Variants in CHD1L observed in about 807,000 individuals in gnomAD.
The protein encoded by CHD1L is chromodomain helicase DNA binding protein 1 like.
Under a neutral mutation model 115.9 loss-of-function variants are expected in CHD1L, and 118 were observed. The ratio of observed to expected loss-of-function variants is 1.02; its 90% CI spans 0.88 to 1.19. The LOEUF (loss-of-function observed/expected upper bound fraction) is 1.19, where lower values mean the gene tolerates loss of function less well. CHD1L is among the 50% of genes most tolerant of loss of function. CHD1L has a pLI of 0.00. For synonymous variants in CHD1L, 411 were observed against 387.1 expected (o/e 1.06, Z -0.72); for missense variants, 1,179 against 1,065.3 (o/e 1.11, Z -1.49).
At chr1:147,184,082 T>G in the CHD1L span, among the ~76,000 whole-genome samples, 2 of 152,176 alleles carry the variant, frequency 1.3e-5, no homozygotes, top group Non-Finnish European at 2.9e-5. This position sits in a 1 kb window ranked among gnomAD's most constrained non-coding sequence, Gnocchi z 4.4. Flanking sequence ...TTATGCATTA[T>G]TAAAGCAACT....
intron 6 of CHD1L, among the ~76,000 whole-genome samples, chr1:147,263,955 A>G (rs1255545777): frequency 6.6e-6 from 1 of 152,206 alleles, no homozygotes; most frequent in Non-Finnish European, 1.5e-5. Flanking sequence ...TTATAAAAGG[A>G]AAGTCTCCTA....
chr1:147,179,183 T>C, the CHD1L span: 11 of 1,614,138 alleles, frequency 6.8e-6, no homozygotes, highest in South Asian at 2.2e-5. Context: ...CAGGATTACT[T>C]TGATGGCAAT....
At chr1:147,220,148 T>C in the CHD1L span, among the ~76,000 whole-genome samples, 1 of 152,176 alleles carries the variant, frequency 6.6e-6, no homozygotes. Context: ...ATTTGCTTTT[T>C]TATATACTAG....
chr1:147,215,872 C>A, the CHD1L span: 4 of 1,613,374 alleles, frequency 2.5e-6, no homozygotes, highest in Non-Finnish European at 3.4e-6. Flanking sequence ...GTCACTGAAG[C>A]ACATCATCTC....
chr1:147,240,437 G>T (rs1454023950), upstream of CHD1L, among the ~76,000 whole-genome samples: 4 of 152,340 alleles, frequency 2.6e-5, no homozygotes, highest in African/African-American at 9.6e-5. Context: ...ATTGTCCAAG[G>T]TTTCTCCCCA....
the CHD1L span, among the ~76,000 whole-genome samples, chr1:147,206,092 A>T: frequency 6.6e-6 from 1 of 150,872 alleles, no homozygotes; most frequent in African/African-American, 2.5e-5. Context: ...CAACCCCATC[A>T]AAAAGTGGGT....
chr1:147,192,982 T>C, the CHD1L span, among the ~76,000 whole-genome samples: 1 of 152,132 alleles, frequency 6.6e-6, no homozygotes, highest in African/African-American at 2.4e-5. Context: ...TTTTTTGTTG[T>C]GTCTCTGCCA....
At chr1:147,272,401 T>A in intron 12 of CHD1L, 120 bp downstream of exon 12, 1 of 695,600 alleles carries the variant, frequency 1.4e-6, no homozygotes, top group African/African-American at 1.8e-5. Flanking sequence ...CTATTGAATG[T>A]AAAACAAGGT....
chr1:147,295,475 C>G lies in CHD1L; in HGVS notation c.2660C>G (p.Ser887Cys). The G allele has an allele frequency of 6.2e-7, 1 of 1,611,334 alleles. No individual in the cohort carries two copies. Among genetic ancestry groups the G allele is most frequent in the Non-Finnish European group, 8.5e-7 (1 of 1,178,496 alleles). Residue 887 changes from serine (S) to cysteine (C), a missense_variant, in exon 23 of 23, where the codon TCT becomes TGT. Physicochemically the swap from Ser to Cys is moderately radical, Grantham distance 112. Transcript: ENST00000369258. ...AAGTCTGCTGTCCTTCATTCACAGT[C>G]TTCATCTTCCTCCTCAAGACAGCTG... Reference protein sequence around the residue: ...RSKSAVLHSQSSSSSSRQLVP With the variant: ...RSKSAVLHSQCSSSSSRQLVP
At chr1:147,197,754 C>A in the CHD1L span, among the ~76,000 whole-genome samples, 1 of 152,140 alleles carries the variant, frequency 6.6e-6, no homozygotes, top group Non-Finnish European at 1.5e-5. Flanking sequence ...TCAGGCAGTT[C>A]TTTATAGCAG....
At chr1:147,215,459 G>C in the CHD1L span, 1 of 298,096 alleles carries the variant, frequency 3.4e-6, no homozygotes, top group South Asian at 6.1e-5. Flanking sequence ...TTCTGTAATG[G>C]GGAAAACATT....
the CHD1L span, among the ~76,000 whole-genome samples, chr1:147,182,229 A>G: frequency 1.3e-5 from 2 of 152,210 alleles, no homozygotes; most frequent in Admixed American, 6.5e-5. Flanking sequence ...AGTTCTTCCA[A>G]TAAGACTAAG....
At chr1:147,208,785 C>A in the CHD1L span, 1 of 1,336,956 alleles carries the variant, frequency 7.5e-7, no homozygotes, top group South Asian at 1.2e-5. Context: ...TTACTATTAG[C>A]CAGTGTGAAG....
At chr1:147,256,693 G>A in intron 5 of CHD1L, 131 bp downstream of exon 5, 1 of 805,210 alleles carries the variant, frequency 1.2e-6, no homozygotes. Flanking sequence ...TTATGGGTAG[G>A]CGGCATGGTG....
At chr1:147,231,091 G>T in the CHD1L span, among the ~76,000 whole-genome samples, 1 of 152,000 alleles carries the variant, frequency 6.6e-6, no homozygotes, top group South Asian at 2.1e-4. Context: ...TCTTTTAATT[G>T]TGACGTTAGG....
At chr1:147,213,314 A>G in the CHD1L span, 1 of 1,605,860 alleles carries the variant, frequency 6.2e-7, no homozygotes, top group Non-Finnish European at 8.5e-7. Context: ...TCACCAGGGA[A>G]GCTTTCCAGA....
intron 15 of CHD1L, 121 bp from the exon 16 acceptor site, chr1:147,284,230 T>C (rs1682123871): frequency 2.8e-6 from 2 of 723,072 alleles, no homozygotes; most frequent in Non-Finnish European, 2.2e-6. Context: ...TTCCTTCATA[T>C]GGACTTAGCC....
intron 19 of CHD1L, among the ~76,000 whole-genome samples, chr1:147,290,476 G>A (rs1056201347): frequency 3.9e-5 from 6 of 152,280 alleles, no homozygotes; most frequent in Non-Finnish European, 8.8e-5. Context: ...GCACCACGCC[G>A]AGGTTGGGCA....
intron 15 of CHD1L, among the ~76,000 whole-genome samples, chr1:147,281,064 G>A (rs1037549702): frequency 9.2e-5 from 14 of 152,086 alleles, no homozygotes; most frequent in African/African-American, 2.9e-4. Flanking sequence ...AATTTCCATC[G>A]CTCGCTTTCT....
Sources: gnomAD v4.1 joint callset for allele counts (sites outside exome capture counted in the v4.1 genomes callset) on GRCh38, gnomAD v4.1.1 for gene constraint, Gnocchi (gnomAD v3.1) non-coding constraint, MANE v1.5 for transcripts, NCBI Gene and HGNC (gene_info 2026-07-23, HGNC 2026-07-21) for gene names.